WDR7: variants seen among roughly 807,000 people sequenced by gnomAD.
The protein encoded by WDR7 is WD repeat-containing protein 7.
In WDR7, 46 loss-of-function variants were observed where a neutral mutation model predicts 169.4. The ratio of observed to expected loss-of-function variants is 0.27; its 90% confidence interval spans 0.21 to 0.35. The LOEUF is 0.35. Among genes scored for constraint, WDR7 ranks in the 10% least tolerant of loss-of-function variants. The pLI, the probability that WDR7 is intolerant of heterozygous loss-of-function variation, is 1.00. For synonymous variants in WDR7, 612 were observed against 666.8 expected (o/e 0.92, Z 1.27); for missense variants, 1,534 against 1,859.3 (o/e 0.83, Z 3.22).
chr18:56,816,077 T>G lies in WDR7; in HGVS notation c.3237T>G (p.Asp1079Glu). Reference protein sequence around the residue: ...EAAQTITTAPDASGPEAKVQE... With the variant: ...EAAQTITTAPEASGPEAKVQE... ...CGCAGACTATCACCACGGCTCCTGA[T>G]GCCTCAGGGCCTGAAGCAAAAGTCC... Residue 1079 changes from aspartate (D) to glutamate (E), a missense_variant, in exon 20 of 28, where the codon GAT becomes GAG. Physicochemically the swap from Asp to Glu is conservative, Grantham distance 45. Transcript: ENST00000254442. 1 of 1,613,792 alleles carries G rather than the reference T, an allele frequency of 6.2e-7. No individual in the cohort carries two copies. Among genetic ancestry groups the G allele is most frequent in the Non-Finnish European group, 8.5e-7 (1 of 1,179,896 alleles).
chr18:56,682,442 G>C (rs1275011868), intron 4 of WDR7, among the ~76,000 whole-genome samples: 1 of 152,082 alleles, frequency 6.6e-6, no homozygotes, highest in Non-Finnish European at 1.5e-5. Flanking sequence ...CAAAAGGGAG[G>C]ATAAGATGTT....
intron 16 of WDR7, among the ~76,000 whole-genome samples, chr18:56,761,590 T>A (rs2043981411): frequency 6.6e-6 from 1 of 152,108 alleles, no homozygotes; most frequent in African/African-American, 2.4e-5. Context: ...ATAATTAATA[T>A]CTTTATGGGA....
At chr18:56,879,920 G>C (rs555289171) in intron 20 of WDR7, 24 bp from the exon 21 acceptor site, 2 of 1,561,578 alleles carry the variant, frequency 1.3e-6, no homozygotes, top group South Asian at 2.2e-5. Flanking sequence ...GTTCTAAGTT[G>C]AGATTCTATG....
chr18:56,859,680 CTTGTG>C (rs1255064284), intron 20 of WDR7, among the ~76,000 whole-genome samples: 2 of 152,234 alleles, frequency 1.3e-5, no homozygotes, highest in Non-Finnish European at 1.5e-5. Context: ...TTTCGAACAC[CTTGTG>C]TCTTGTATAA....
At chr18:56,953,421 AC>A (rs2047209843) in intron 25 of WDR7, among the ~76,000 whole-genome samples, 1 of 152,274 alleles carries the variant, frequency 6.6e-6, no homozygotes, top group Admixed American at 6.5e-5. Context: ...TTAGAAAAAA[AC>A]AAGCCACTCA....
intron 12 of WDR7, among the ~76,000 whole-genome samples, chr18:56,708,030 CTTTTTTT>C (rs752679794): frequency 2.1e-4 from 28 of 132,806 alleles, no homozygotes; most frequent in Admixed American, 1.7e-3. Flanking sequence ...GTGTTTATTC[CTTTTTTT>C]TTTTTTTTTT....
intron 27 of WDR7, among the ~76,000 whole-genome samples, chr18:57,023,459 G>T (rs2048318142): frequency 6.6e-6 from 1 of 152,178 alleles, no homozygotes; most frequent in Admixed American, 6.5e-5. Context: ...ACTTAGTAAG[G>T]TCTGTGTGCA....
intron 26 of WDR7, chr18:57,010,384 A>G (rs1268059328): frequency 1.4e-5 from 10 of 726,770 alleles, no homozygotes; most frequent in Non-Finnish European, 1.7e-5. Context: ...AGTATTCAGC[A>G]GTAGAGTGTC....
intron 20 of WDR7, among the ~76,000 whole-genome samples, chr18:56,840,480 T>A (rs1240938289): frequency 6.6e-6 from 1 of 152,190 alleles, no homozygotes; most frequent in East Asian, 1.9e-4. Flanking sequence ...CTTAATTAAA[T>A]TAATACTAAC....
At position 56,916,621 on chromosome 18, in the gene WDR7, A is replaced by G; in HGVS notation, c.3527-7301A>G. On this transcript the variant is annotated intron_variant, in intron 21 of 27. Transcript: ENST00000254442. Reference sequence around the variant, plus strand: ...CTTAATTATCTTGTGCCATTTCTGCACAAATGGAAACTATTTTTTAAAAAA... The same window carrying G: ...CTTAATTATCTTGTGCCATTTCTGCGCAAATGGAAACTATTTTTTAAAAAA... 1.3e-5 allele frequency among the ~76,000 whole-genome samples: 2 copies of G among 152,202 alleles called. 1 individual carries two copies.
At position 56,694,992 on chromosome 18, in the gene WDR7, A is replaced by T. The variant is rs1568141864; in HGVS notation, c.1151A>T (p.Asp384Val). ...TTSISLQEAFDKLNPCPAGII... is the reference protein window; with the variant it reads ...TTSISLQEAFVKLNPCPAGII... ...TCTATTAGTTTGCAAGAGGCATTTG[A>T]TAAACTGAATCCTTGTCCTGCTGGA... Residue 384 changes from aspartate (D) to valine (V), a missense_variant, in exon 11 of 28, where the codon GAT becomes GTT. Transcript: ENST00000254442. The T allele has an allele frequency of 6.2e-7, 1 of 1,614,208 alleles. No individual in the cohort carries two copies. The highest frequency in any genetic ancestry group is 8.5e-7 in the Non-Finnish European group (1 of 1,180,030).
chr18:56,811,405 A>G (rs576637421), intron 19 of WDR7, among the ~76,000 whole-genome samples: 2 of 152,176 alleles, frequency 1.3e-5, no homozygotes, highest in East Asian at 3.9e-4. Context: ...TACTTGTTGG[A>G]CGTGTGATTT....
intron 2 of WDR7, 78 bp from the exon 3 acceptor site, chr18:56,679,254 C>T (rs1316728493): frequency 8.2e-7 from 1 of 1,225,282 alleles, no homozygotes; most frequent in Non-Finnish European, 1.2e-6. Context: ...TTCTATTTTA[C>T]TATGGCTAAG....
intron 26 of WDR7, among the ~76,000 whole-genome samples, chr18:56,977,349 CTG>C (rs1489107955): frequency 2.6e-5 from 4 of 152,236 alleles, no homozygotes; most frequent in Non-Finnish European, 5.9e-5. Context: ...CTTACTGAAA[CTG>C]TGAGCTGGGA....
chr18:56,978,331 A>G (rs537428407), intron 26 of WDR7, among the ~76,000 whole-genome samples: 6 of 152,198 alleles, frequency 3.9e-5, no homozygotes, highest in East Asian at 1.9e-4. Context: ...ATGTCCCCCA[A>G]TGTACTCTGC....
At chr18:56,934,776 T>C (rs905498407) in intron 22 of WDR7, among the ~76,000 whole-genome samples, 4 of 152,206 alleles carry the variant, frequency 2.6e-5, no homozygotes, top group African/African-American at 9.6e-5. Context: ...CCAGTTTACA[T>C]ATAAAGCACA....
intron 16 of WDR7, among the ~76,000 whole-genome samples, chr18:56,773,781 T>A (rs1193178738): frequency 2.0e-5 from 3 of 152,226 alleles, no homozygotes; most frequent in Non-Finnish European, 4.4e-5. Context: ...CAAATGTTGC[T>A]CTATAATATC....
At chr18:56,768,892 A>G (rs961851713) in intron 16 of WDR7, among the ~76,000 whole-genome samples, 3 of 152,174 alleles carry the variant, frequency 2.0e-5, no homozygotes, top group African/African-American at 7.2e-5. Context: ...ACTTTGATAG[A>G]CATTTGGGTT....
intron 18 of WDR7, 90 bp from the exon 19 acceptor site, chr18:56,781,443 C>G: frequency 7.6e-7 from 1 of 1,312,964 alleles, no homozygotes; most frequent in Admixed American, 2.9e-5. Flanking sequence ...TGTTTTCTAG[C>G]CTTATTTCAT....
Sources: allele counts gnomAD v4.1 joint callset (sites outside exome capture counted in the v4.1 genomes callset), GRCh38; gene constraint gnomAD v4.1.1; transcripts MANE v1.5; gene names NCBI Gene and HGNC (gene_info 2026-07-23, HGNC 2026-07-21).